The following IKZF3 variants were observed in gnomAD, a reference collection of about 807,000 sequenced individuals.
IKZF3 encodes IKAROS family zinc finger 3.
A neutral mutation model predicts 49.0 loss-of-function variants in IKZF3; 10 were observed. That is an observed-to-expected ratio of 0.20 (90% CI 0.13 to 0.35). The LOEUF (loss-of-function observed/expected upper bound fraction) is 0.35. Among genes scored for constraint, IKZF3 ranks in the 10% least tolerant of loss-of-function variants. IKZF3 has a pLI of 1.00. For synonymous variants in IKZF3, 209 were observed against 228.2 expected, an observed-to-expected ratio of 0.92 and a Z score of 0.76; for missense variants, 498 against 664.8, an observed-to-expected ratio of 0.75 and a Z score of 2.76.
chr17:39,843,663 T>C (rs2062545434), intron 1 of IKZF3, among the ~76,000 whole-genome samples: 1 of 152,072 alleles, frequency 6.6e-6, no homozygotes, highest in East Asian at 1.9e-4. Context: ...AGTAACTGAG[T>C]GTAGTTTCGA....
At position 39,765,854 on chromosome 17, in the gene IKZF3, C is replaced by T. The variant is rs752360658; in HGVS notation, c.1466G>A (p.Ser489Asn). 2 of 1,614,152 alleles carry T rather than the reference C, an allele frequency of 1.2e-6. No individual in the cohort carries two copies. Among genetic ancestry groups the T allele is most frequent in the African/African-American group, 2.7e-5 (2 of 75,068 alleles). Residue 489 changes from serine to asparagine, a missense_variant, in exon 8 of 8, where the codon AGC (serine) becomes AAC (asparagine). Around this residue, in one of 3 missense-constraint regions of IKZF3, gnomAD observed 317 missense variants for 397.3 expected, o/e 0.80. Transcript: ENST00000346872. ...AGACGAGAACTCATACCGATCATGG[C>T]TTCGATATCCACACATGTTACACTC... ...PFECNMCGYR[S>N]HDRYEFSSHI... is the part of the protein sequence containing the mutation.
At chr17:39,789,709 C>G (rs1285094803) in intron 5 of IKZF3, among the ~76,000 whole-genome samples, 2 of 146,480 alleles carry the variant, frequency 1.4e-5, no homozygotes, top group African/African-American at 5.2e-5. Flanking sequence ...GCCTGGGTGA[C>G]AGAGTGAGAC....
At chr17:39,792,044 C>T (rs1043573430) in intron 4 of IKZF3, among the ~76,000 whole-genome samples, 1 of 152,002 alleles carries the variant, frequency 6.6e-6, no homozygotes, top group African/African-American at 2.4e-5. Context: ...CCAGTGTTTG[C>T]CATTATGCCT....
chr17:39,798,489 G>A (rs1567992412), intron 3 of IKZF3, among the ~76,000 whole-genome samples: 3 of 151,342 alleles, frequency 2.0e-5, no homozygotes. Context: ...ACAGGTCCAA[G>A]TCCTACACAT....
At chr17:39,796,940 G>A (rs1291373141) in intron 3 of IKZF3, among the ~76,000 whole-genome samples, 1 of 151,112 alleles carries the variant, frequency 6.6e-6, no homozygotes, top group African/African-American at 2.4e-5. Flanking sequence ...CGAGGCGGGT[G>A]GATCATGAGG....
Position 39,791,540 on chromosome 17 carries a change from A to C in IKZF3, c.468T>G (p.Thr156=), listed in dbSNP as rs114509391. 1,062 of 1,614,066 alleles carry C rather than the reference A, an allele frequency of 6.6e-4. 12 individuals carry two copies. The East Asian group carries it at 0.019, about 29-fold the overall frequency. Residue 156 remains threonine, a synonymous_variant, in exon 5 of 8, where the codon ACT becomes ACG. Coordinates refer to ENST00000346872, the MANE Select transcript of IKZF3 (RefSeq NM_012481.5). The part of the protein sequence containing the change: ...FQCNQCGASF[T]QKGNLLRHIK... ...TGTGGCGGAGGAGGTTACCTTTCTG[A>C]GTAAAAGATGCCCCACACTGATTAC...
At position 39,761,242 on chromosome 17, in the gene IKZF3, C is replaced by T. The variant is rs1375206004; in HGVS notation, c.*4548G>A. ...GGTCATAAAGCATAAGATTAGCTGG[C>T]TTATCTGTGCCAAGGCGAATGTCTT... On this transcript the variant is annotated 3_prime_UTR_variant, in exon 8 of 8. Coordinates refer to ENST00000346872, the MANE Select transcript of IKZF3 (RefSeq NM_012481.5). The T allele has an allele frequency of 1.3e-5, 2 of 152,284 alleles. No homozygotes were observed. The highest frequency in any genetic ancestry group is 2.1e-4 in the South Asian group (1 of 4,828). 9.4% of individuals were successfully genotyped at this position (152,284 alleles called of 1,614,324 possible).
chr17:39,810,897 A>G (rs1166337450), intron 3 of IKZF3, among the ~76,000 whole-genome samples: 2 of 152,192 alleles, frequency 1.3e-5, no homozygotes, highest in Non-Finnish European at 2.9e-5. Context: ...GCATCTTGGA[A>G]GTACTTACAC....
intron 7 of IKZF3, 104 bp from the exon 8 acceptor site, chr17:39,766,597 G>C: frequency 1.0e-6 from 1 of 962,692 alleles, no homozygotes. Context: ...TAAGTTGCCT[G>C]CTGCTCAAGA....
chr17:39,788,663 T>C (rs989799506), intron 5 of IKZF3, among the ~76,000 whole-genome samples: 4 of 152,308 alleles, frequency 2.6e-5, no homozygotes, highest in African/African-American at 9.6e-5. Context: ...AGGTCAAATT[T>C]TGTTTTCTTT....
chr17:39,811,002 G>C (rs1056956753), intron 3 of IKZF3, among the ~76,000 whole-genome samples: 1 of 152,106 alleles, frequency 6.6e-6, no homozygotes, highest in Non-Finnish European at 1.5e-5. Context: ...CAATTTGGGA[G>C]ACCAAGGCGA....
At chr17:39,790,356 C>T (rs1023904730) in intron 5 of IKZF3, among the ~76,000 whole-genome samples, 3 of 151,824 alleles carry the variant, frequency 2.0e-5, no homozygotes, top group African/African-American at 7.3e-5. Context: ...TAATTTTTTT[C>T]GAACCAAACT....
In IKZF3 at chr17:39,832,117, C is replaced by T; in HGVS notation, c.42G>A (p.Gln14=). Residue 14 remains glutamine (Q), a synonymous_variant, in exon 2 of 8, where the codon CAG becomes CAA. Coordinates refer to ENST00000346872, the MANE Select transcript of IKZF3 (RefSeq NM_012481.5). ...IQTNAELKST[Q]EQSVPAESAA... is the part of the protein sequence containing the mutation. ...TGTTACCTGCGGGCACAGACTGCTC[C>T]TGAGTGCTTTTCAGTTCCGCATTTG... is the stretch of plus-strand genomic sequence containing the variant. 1 of 1,612,632 alleles carries T rather than the reference C, an allele frequency of 6.2e-7. No individual in the cohort carries two copies. Among genetic ancestry groups the T allele is most frequent in the South Asian group, 1.1e-5 (1 of 90,968 alleles).
At chr17:39,788,656 T>A (rs2060932085) in intron 5 of IKZF3, among the ~76,000 whole-genome samples, 1 of 152,186 alleles carries the variant, frequency 6.6e-6, no homozygotes, top group Non-Finnish European at 1.5e-5. Context: ...TGGCTCCAGG[T>A]CAAATTTTGT....
intron 3 of IKZF3, among the ~76,000 whole-genome samples, chr17:39,801,442 G>C (rs971209794): frequency 6.6e-6 from 1 of 152,086 alleles, no homozygotes. Context: ...ACCAGGTTTT[G>C]ACAGCTGTTA....
intron 1 of IKZF3, among the ~76,000 whole-genome samples, chr17:39,846,581 C>G (rs1205189572): frequency 6.8e-6 from 1 of 147,874 alleles, no homozygotes; most frequent in African/African-American, 2.5e-5. Flanking sequence ...TTGGAAATGG[C>G]AGGAGTCTAG....
At chr17:39,806,378 T>C (rs2061431790) in intron 3 of IKZF3, among the ~76,000 whole-genome samples, 1 of 152,162 alleles carries the variant, frequency 6.6e-6, no homozygotes, top group South Asian at 2.1e-4. Flanking sequence ...TGCACGAAAG[T>C]AGTCTTTAGC....
At chr17:39,831,992 C>T (rs750658881) in intron 2 of IKZF3, 106 bp downstream of exon 2, 2 of 779,486 alleles carry the variant, frequency 2.6e-6, no homozygotes, top group Non-Finnish European at 4.3e-6. Context: ...AAAACACACA[C>T]ACATTTCCAT....
chr17:39,781,100 AC>A (rs1193456185), intron 6 of IKZF3, among the ~76,000 whole-genome samples: 1 of 152,216 alleles, frequency 6.6e-6, no homozygotes, highest in East Asian at 1.9e-4. Flanking sequence ...CACTTCAGCC[AC>A]AAGACACTGC....
Sources: allele counts gnomAD v4.1 joint callset (sites outside exome capture counted in the v4.1 genomes callset), GRCh38; gene constraint gnomAD v4.1.1; regional missense constraint gnomAD v4.1.1; transcripts MANE v1.5; gene names NCBI Gene and HGNC (gene_info 2026-07-23, HGNC 2026-07-21).